PRKCA: variants seen among roughly 807,000 people sequenced by gnomAD.
The protein encoded by PRKCA is protein kinase C alpha, also known as protein kinase C alpha type.
A neutral mutation model predicts 87.0 loss-of-function variants in PRKCA; 27 were observed. The observed-to-expected ratio is 0.31, with a 90% CI of 0.23 to 0.43. The LOEUF is 0.43. PRKCA is among the 20% of genes least tolerant of loss of function. The pLI is 1.00. For missense variants in PRKCA, 518 were observed against 852.3 expected (o/e 0.61, Z 4.88); for synonymous variants, 329 against 311.1 (o/e 1.06, Z -0.61).
At chr17:66,398,710 C>T (rs528634811) in intron 2 of PRKCA, among the ~76,000 whole-genome samples, 9 of 152,136 alleles carry the variant, frequency 5.9e-5, no homozygotes, top group South Asian at 2.1e-4. Flanking sequence ...AATTAATGAA[C>T]GAGAAAGGCA....
chr17:66,372,292 A>G (rs1258435075), intron 2 of PRKCA, among the ~76,000 whole-genome samples: 1 of 152,242 alleles, frequency 6.6e-6, no homozygotes, highest in Non-Finnish European at 1.5e-5. Context: ...TGGCAAAATT[A>G]GAAGTCTAAC....
chr17:66,742,530 C>CA (rs1351565151), intron 12 of PRKCA, 92 bp from the exon 13 acceptor site: 85 of 1,329,640 alleles, frequency 6.4e-5, no homozygotes, highest in Non-Finnish European at 8.6e-5. Flanking sequence ...ATTGAGCTGA[C>CA]AGGTATTCAG....
chr17:66,558,014 G>A (rs950564636), intron 3 of PRKCA, among the ~76,000 whole-genome samples: 4 of 152,184 alleles, frequency 2.6e-5, no homozygotes, highest in Non-Finnish European at 4.4e-5. Flanking sequence ...GCCTTGTGAT[G>A]CTTCTGAATA....
chr17:66,351,017 CTG>C (rs1276710313), intron 2 of PRKCA, among the ~76,000 whole-genome samples: 5 of 152,342 alleles, frequency 3.3e-5, no homozygotes, highest in African/African-American at 9.6e-5. Context: ...ATGTAATTGT[CTG>C]TGTGCCAGTT....
chr17:66,483,280 A>G (rs1915860929), intron 2 of PRKCA, among the ~76,000 whole-genome samples: 1 of 152,000 alleles, frequency 6.6e-6, no homozygotes, highest in African/African-American at 2.4e-5. Flanking sequence ...GGGTTCCCTC[A>G]GAGAGCTGCA....
At chr17:66,359,626 A>G (rs1908265746) in intron 2 of PRKCA, among the ~76,000 whole-genome samples, 1 of 152,202 alleles carries the variant, frequency 6.6e-6, no homozygotes, top group Non-Finnish European at 1.5e-5. Context: ...TAAATACTAA[A>G]TAAATAATCT....
chr17:66,507,086 G>T (rs58597349), intron 3 of PRKCA, among the ~76,000 whole-genome samples: 3,209 of 152,248 alleles, frequency 0.021, 103 homozygotes, highest in African/African-American at 0.071. Context: ...AACATTAAAT[G>T]TTTCTTGAGC....
At chr17:66,512,214 C>T (rs1917263124) in intron 3 of PRKCA, among the ~76,000 whole-genome samples, 1 of 152,092 alleles carries the variant, frequency 6.6e-6, no homozygotes, top group East Asian at 1.9e-4. Context: ...GTGCCCTCCT[C>T]TTAACCACTG....
chr17:66,332,476 C>T (rs1229678267), intron 2 of PRKCA, among the ~76,000 whole-genome samples: 1 of 151,888 alleles, frequency 6.6e-6, no homozygotes, highest in African/African-American at 2.4e-5. Flanking sequence ...GATCCCCCTG[C>T]GTCAGCCTCC....
chr17:66,539,019 C>T (rs777152829), intron 3 of PRKCA, among the ~76,000 whole-genome samples: 10 of 152,182 alleles, frequency 6.6e-5, no homozygotes, highest in Non-Finnish European at 1.0e-4. Flanking sequence ...CTTTTATCTT[C>T]GGAACTGTGA....
intron 2 of PRKCA, among the ~76,000 whole-genome samples, chr17:66,442,373 A>G (rs2143880496): frequency 6.6e-6 from 1 of 152,074 alleles, no homozygotes; most frequent in South Asian, 2.1e-4. Flanking sequence ...TCATGATGTT[A>G]CAGTCCCCCA....
At chr17:66,529,556 T>A (rs1193373240) in intron 3 of PRKCA, among the ~76,000 whole-genome samples, 1 of 152,180 alleles carries the variant, frequency 6.6e-6, no homozygotes, top group South Asian at 2.1e-4. Flanking sequence ...TGGGGTCACC[T>A]GGGAGGGAGT....
intron 6 of PRKCA, among the ~76,000 whole-genome samples, chr17:66,687,861 T>C (rs2144033482): frequency 6.6e-6 from 1 of 152,254 alleles, no homozygotes; most frequent in African/African-American, 2.4e-5. Flanking sequence ...GAGTTCCCCT[T>C]TGTAGAGTAG....
chr17:66,537,369 C>T (rs1967825202), intron 3 of PRKCA, among the ~76,000 whole-genome samples: 1 of 152,196 alleles, frequency 6.6e-6, no homozygotes, highest in Non-Finnish European at 1.5e-5. Flanking sequence ...GAGTCTGTTG[C>T]TCTAAGGATC....
chr17:66,392,769 T>G (rs1408976378), intron 2 of PRKCA, among the ~76,000 whole-genome samples: 1 of 152,204 alleles, frequency 6.6e-6, no homozygotes, highest in East Asian at 1.9e-4. Context: ...GCTTAACAAT[T>G]CTATACATCC....
At chr17:66,747,796 C>T (rs1974329466) in intron 13 of PRKCA, among the ~76,000 whole-genome samples, 1 of 152,208 alleles carries the variant, frequency 6.6e-6, no homozygotes, top group Non-Finnish European at 1.5e-5. Flanking sequence ...GCTGTTATCC[C>T]CAGGGAGATC....
At chr17:66,780,969 C>T (rs1423057893) in intron 14 of PRKCA, among the ~76,000 whole-genome samples, 1 of 151,862 alleles carries the variant, frequency 6.6e-6, no homozygotes, top group Non-Finnish European at 1.5e-5. Context: ...ATTAGCCAGG[C>T]GTGGTGACGT....
intron 13 of PRKCA, among the ~76,000 whole-genome samples, chr17:66,743,399 G>C (rs779450138): frequency 1.3e-5 from 2 of 152,188 alleles, no homozygotes; most frequent in Non-Finnish European, 2.9e-5. Flanking sequence ...GGGTGAGACG[G>C]GGGTTGCAGT....
intron 2 of PRKCA, among the ~76,000 whole-genome samples, chr17:66,310,692 C>T (rs1181292053): frequency 6.6e-6 from 1 of 152,176 alleles, no homozygotes; most frequent in Non-Finnish European, 1.5e-5. Context: ...GAATGAGTCT[C>T]CTCTTGGCTG....
Sources: gnomAD v4.1 joint callset for allele counts (sites outside exome capture counted in the v4.1 genomes callset) on GRCh38, gnomAD v4.1.1 for gene constraint, MANE v1.5 for transcripts, NCBI Gene and HGNC (gene_info 2026-07-23, HGNC 2026-07-21) for gene names.